The following PCDH15 variants were observed in gnomAD, a reference collection of about 807,000 sequenced individuals.
PCDH15 encodes the protein protocadherin-15.
In PCDH15, 129 loss-of-function variants were observed where a neutral mutation model predicts 178.5. The ratio of observed to expected loss-of-function variants is 0.72; its 90% CI spans 0.63 to 0.84. The LOEUF is 0.84. PCDH15 is among the 40% of genes least tolerant of loss of function. The pLI is 0.00. For missense variants in PCDH15, 2,230 were observed against 2,099.9 expected, an observed-to-expected ratio of 1.06 and a Z score of -1.21; for synonymous variants, 800 against 732.0, an observed-to-expected ratio of 1.09 and a Z score of -1.50.
chr10:53,870,134 T>C (rs1479915107), intron 26 of PCDH15, among the ~76,000 whole-genome samples: 1 of 152,216 alleles, frequency 6.6e-6, no homozygotes, highest in Non-Finnish European at 1.5e-5. Flanking sequence ...AGTAAGCAGG[T>C]AATTTCACTT....
intron 3 of PCDH15, among the ~76,000 whole-genome samples, chr10:54,385,427 G>A (rs1227135794): frequency 6.6e-6 from 1 of 152,104 alleles, no homozygotes; most frequent in Non-Finnish European, 1.5e-5. Flanking sequence ...ACAATTAATT[G>A]GAGGACATAT....
At chr10:53,980,260 T>C (rs1564918492) in intron 21 of PCDH15, among the ~76,000 whole-genome samples, 1 of 151,964 alleles carries the variant, frequency 6.6e-6, no homozygotes. Flanking sequence ...ATTAGGATTT[T>C]GAACAAGGGG....
intron 26 of PCDH15, among the ~76,000 whole-genome samples, chr10:53,871,722 C>CTTGTT (rs201361066): frequency 0.078 from 11,710 of 149,486 alleles, 980 homozygotes; most frequent in African/African-American, 0.2. Flanking sequence ...GCTTCCAGTT[C>CTTGTT]TTGTTTTGTT....
chr10:54,321,030 TA>T (rs1025532078), intron 7 of PCDH15, among the ~76,000 whole-genome samples: 2 of 151,202 alleles, frequency 1.3e-5, no homozygotes, highest in African/African-American at 4.8e-5. Context: ...GCTTCTTTAA[TA>T]GGGGTGGTAA....
chr10:55,247,534 T>C (rs1381826553), intron 1 of PCDH15, among the ~76,000 whole-genome samples: 1 of 152,182 alleles, frequency 6.6e-6, no homozygotes, highest in African/African-American at 2.4e-5. Flanking sequence ...GTTAAAGCAG[T>C]GCAACTTTGC....
rs537063512 is a variant in PCDH15, at chr10:54,307,421, T to C, written c.876+9850A>G. 2.2e-3 allele frequency among the ~76,000 whole-genome samples: 329 copies of C among 151,648 alleles called. 1 individual carries two copies. The highest frequency in any genetic ancestry group is 5.6e-3 in the African/African-American group (231 of 41,410). On this transcript the variant is annotated intron_variant, in intron 8 of 37. Transcript: ENST00000644397. Reference sequence around the variant, plus strand: ...TCCTATGTTTACCTAGAGGGGAAACTCTGAACCACCACAGCCCAACAGGAG... The same window carrying C: ...TCCTATGTTTACCTAGAGGGGAAACCCTGAACCACCACAGCCCAACAGGAG...
At chr10:54,251,510 T>G (rs2056467527) in intron 8 of PCDH15, among the ~76,000 whole-genome samples, 1 of 152,202 alleles carries the variant, frequency 6.6e-6, no homozygotes, top group Non-Finnish European at 1.5e-5. Context: ...TCTGGAAGAT[T>G]TTTCAAACAT....
chr10:55,160,208 T>A (rs1839025562), intron 2 of PCDH15, among the ~76,000 whole-genome samples: 1 of 152,202 alleles, frequency 6.6e-6, no homozygotes, highest in Admixed American at 6.6e-5. Context: ...GTACAGATTT[T>A]ACTTTTTTCT....
chr10:54,179,638 T>TA (rs1420571994), intron 13 of PCDH15, among the ~76,000 whole-genome samples: 2 of 152,192 alleles, frequency 1.3e-5, no homozygotes, highest in African/African-American at 2.4e-5. Flanking sequence ...TATTGTTGTT[T>TA]AAAACTGTAA....
intron 21 of PCDH15, among the ~76,000 whole-genome samples, chr10:53,967,210 T>G (rs1285650482): frequency 6.6e-6 from 1 of 152,144 alleles, no homozygotes; most frequent in Non-Finnish European, 1.5e-5. Flanking sequence ...TTTCCCCCTT[T>G]TGCTTGGCAC....
intron 2 of PCDH15, among the ~76,000 whole-genome samples, chr10:54,614,113 C>A (rs2093053876): frequency 6.6e-6 from 1 of 151,870 alleles, no homozygotes; most frequent in South Asian, 2.1e-4. Context: ...CATATATATA[C>A]ACCCATATAT....
At chr10:55,090,629 C>A (rs1842293345) in intron 2 of PCDH15, among the ~76,000 whole-genome samples, 1 of 152,060 alleles carries the variant, frequency 6.6e-6, no homozygotes, top group Admixed American at 6.6e-5. Flanking sequence ...AAATAATCTA[C>A]CTTATTCTAT....
chr10:53,828,117 A>G (rs1430742672), intron 31 of PCDH15, among the ~76,000 whole-genome samples: 2 of 148,770 alleles, frequency 1.3e-5, no homozygotes, highest in Non-Finnish European at 3.0e-5. Context: ...GAGGCAGGAG[A>G]ATCGCTTGAA....
chr10:54,027,783 A>T (rs2093155928), intron 18 of PCDH15, among the ~76,000 whole-genome samples: 1 of 142,394 alleles, frequency 7.0e-6, no homozygotes, highest in Admixed American at 7.1e-5. Context: ...CTTATACAAA[A>T]ATCAATTCAA....
At chr10:55,089,239 T>A (rs1258662524) in intron 2 of PCDH15, among the ~76,000 whole-genome samples, 1 of 152,150 alleles carries the variant, frequency 6.6e-6, no homozygotes, top group African/African-American at 2.4e-5. Context: ...AATCATCGAA[T>A]CACAACTTGG....
intron 3 of PCDH15, among the ~76,000 whole-genome samples, chr10:54,379,946 G>A (rs897485637): frequency 2.0e-5 from 3 of 151,964 alleles, no homozygotes; most frequent in Admixed American, 6.6e-5. Context: ...CCATAAATAC[G>A]AATCTGGCTT....
intron 3 of PCDH15, among the ~76,000 whole-genome samples, chr10:54,403,794 A>G (rs1263749997): frequency 6.6e-6 from 1 of 151,862 alleles, no homozygotes; most frequent in African/African-American, 2.4e-5. Flanking sequence ...CTGGACACCA[A>G]TAACATTCAA....
At chr10:54,655,248 AAGAAAGAAAG>A (rs1215104025) in intron 2 of PCDH15, among the ~76,000 whole-genome samples, 19 of 65,720 alleles carry the variant, frequency 2.9e-4, no homozygotes, top group African/African-American at 8.9e-4. Context: ...GAAAGAAAGA[AAGAAAGAAAG>A]AGAGAGAGAG....
chr10:54,378,851 G>A lies in PCDH15; in HGVS notation c.249C>T (p.Tyr83=). Residue 83 remains tyrosine, a synonymous_variant, in exon 4 of 38, where the codon TAC becomes TAT. Transcript: ENST00000644397. ...IELSLKDNVD[Y]WVLMDPVKQM... is the part of the protein sequence containing the mutation. ...GCTTAACAGGATCCATCAACACCCA[G>A]TAATCCACATTATCCTTTAAAGAAA... 1 of 1,613,850 alleles carries A rather than the reference G, an allele frequency of 6.2e-7. No individual in the cohort carries two copies. The highest frequency in any genetic ancestry group is 8.5e-7 in the Non-Finnish European group (1 of 1,179,878).
Sources: allele counts gnomAD v4.1 joint callset (sites outside exome capture counted in the v4.1 genomes callset), GRCh38; gene constraint gnomAD v4.1.1; transcripts MANE v1.5; gene names NCBI Gene and HGNC (gene_info 2026-07-23, HGNC 2026-07-21).